HOOK3: variants seen among roughly 807,000 people sequenced by gnomAD.
HOOK3 encodes hook microtubule tethering protein 3, also known as protein Hook homolog 3.
HOOK3 carries 24 observed loss-of-function variants against 116.3 expected under a neutral mutation model. The observed-to-expected ratio is 0.21, with a 90% CI of 0.15 to 0.29. The LOEUF is 0.29. Among genes scored for constraint, HOOK3 ranks in the 10% least tolerant of loss-of-function variants. HOOK3 has a pLI of 1.00. For synonymous variants in HOOK3, 275 were observed against 283.0 expected (o/e 0.97, Z 0.28); for missense variants, 632 against 830.2 (o/e 0.76, Z 2.93).
chr8:42,900,842 A>G (rs1332330017), intron 1 of HOOK3, among the ~76,000 whole-genome samples: 1 of 152,116 alleles, frequency 6.6e-6, no homozygotes. Flanking sequence ...GTTGATCTGC[A>G]TCATCTGGAG....
At chr8:42,947,948 A>G (rs1264144833) in intron 5 of HOOK3, among the ~76,000 whole-genome samples, 2 of 152,156 alleles carry the variant, frequency 1.3e-5, no homozygotes, top group African/African-American at 4.8e-5. Flanking sequence ...AGAAGTGAGG[A>G]GCATCTGCTA....
rs1311537144 is a variant in HOOK3, at chr8:43,022,682, T to C, written c.*4184T>C. On this transcript the variant is annotated 3_prime_UTR_variant, in exon 22 of 22. Transcript: ENST00000307602. ...AACTTTGAAAAACTCCGTCATATCTTTTACCATTTGTCTATTTGATAGTAA... is the reference window on the plus strand; with the variant it reads ...AACTTTGAAAAACTCCGTCATATCTCTTACCATTTGTCTATTTGATAGTAA... 5.5e-6 allele frequency: 1 copy of C among 181,890 alleles called. No homozygotes were observed. The highest frequency in any genetic ancestry group is 9.1e-5 in the East Asian group (1 of 11,036). 11.3% of individuals were successfully genotyped at this position (181,890 alleles called of 1,614,324 possible).
At chr8:42,907,921 A>G (rs1807345654) in intron 2 of HOOK3, among the ~76,000 whole-genome samples, 1 of 151,858 alleles carries the variant, frequency 6.6e-6, no homozygotes, top group Non-Finnish European at 1.5e-5. Context: ...ACAAAAAGCC[A>G]CAAAGACTCC....
At chr8:42,985,579 T>C (rs898841410) in intron 14 of HOOK3, among the ~76,000 whole-genome samples, 1 of 152,164 alleles carries the variant, frequency 6.6e-6, no homozygotes, top group Admixed American at 6.6e-5. Flanking sequence ...TTCATTTGTC[T>C]TCTTTTCCGT....
chr8:42,945,378 C>G (rs941113436), intron 5 of HOOK3, among the ~76,000 whole-genome samples: 4 of 152,102 alleles, frequency 2.6e-5, no homozygotes, highest in African/African-American at 9.7e-5. Context: ...GGCATGATCT[C>G]AGCTCACTGC....
At chr8:42,970,346 A>G (rs560524566) in intron 11 of HOOK3, among the ~76,000 whole-genome samples, 2 of 152,292 alleles carry the variant, frequency 1.3e-5, no homozygotes, top group African/African-American at 2.4e-5. Flanking sequence ...AGCAATTTTG[A>G]TAGGTGGTAG....
In HOOK3 at chr8:43,024,764, T is replaced by C. The variant is rs1809901720; in HGVS notation, c.*6266T>C. On this transcript the variant is annotated 3_prime_UTR_variant, in exon 22 of 22. Coordinates refer to ENST00000307602, the MANE Select transcript of HOOK3 (RefSeq NM_032410.4). ...TGGTCTAAAGTTTTGCAGCAAATGC[T>C]GTTCAGTTCCCAGAAGCCTAAAAAA... 1 of 198,306 alleles carries C rather than the reference T, an allele frequency of 5.0e-6. No individual in the cohort carries two copies. Among genetic ancestry groups the C allele is most frequent in the East Asian group, 7.8e-5 (1 of 12,872 alleles). The allele number at this position is 198,306 out of a possible 1,614,324, so 12.3% of individuals were successfully genotyped here. A position where few individuals can be genotyped will look rare whatever the true frequency, so the allele number is the denominator to read the frequency against.
chr8:42,899,128 GT>G (rs1194477370), intron 1 of HOOK3, among the ~76,000 whole-genome samples: 1 of 152,190 alleles, frequency 6.6e-6, no homozygotes, highest in Non-Finnish European at 1.5e-5. Flanking sequence ...AATATGGTAG[GT>G]AGTAATTGCA....
intron 2 of HOOK3, among the ~76,000 whole-genome samples, chr8:42,918,511 G>A (rs1389708091): frequency 6.6e-6 from 1 of 151,872 alleles, no homozygotes; most frequent in Non-Finnish European, 1.5e-5. Context: ...AAAAGTGGAG[G>A]GAAGGTCAAC....
intron 17 of HOOK3, among the ~76,000 whole-genome samples, chr8:43,005,222 T>A (rs1002899912): frequency 2.2e-4 from 29 of 133,178 alleles, no homozygotes; most frequent in Admixed American, 4.4e-4. Context: ...TAATTTTTTT[T>A]TTTTTTTTTT....
rs1405960150 is a variant in HOOK3, at chr8:42,927,651, A to T, written c.216+2022A>T. On this transcript the variant is annotated intron_variant, in intron 3 of 21. Transcript: ENST00000307602. Reference sequence around the variant, plus strand: ...AGACAGGGTCTCACTCTCACCCAGGATAGAGTATAGTGGCACAGTCTCAGC... The same window carrying T: ...AGACAGGGTCTCACTCTCACCCAGGTTAGAGTATAGTGGCACAGTCTCAGC... Among the ~76,000 whole-genome samples the T allele has an allele frequency of 2.0e-5, 3 of 151,576 alleles. No homozygotes were observed. In the East Asian group the frequency reaches 5.9e-4, roughly 30 times the overall value.
intron 4 of HOOK3, among the ~76,000 whole-genome samples, chr8:42,930,879 C>T (rs903081025): frequency 6.6e-5 from 10 of 152,250 alleles, no homozygotes; most frequent in South Asian, 2.1e-4. Flanking sequence ...TCCATCTGTG[C>T]GGCCACCAAC....
chr8:42,997,918 C>A, intron 16 of HOOK3: 3 of 304,326 alleles, frequency 9.9e-6, no homozygotes, highest in Non-Finnish European at 1.3e-5. Context: ...ACTCAGTGTT[C>A]AAAGATGAAG....
At position 42,959,215 on chromosome 8, in the gene HOOK3, CTT is replaced by C. The variant is rs1808492645; in HGVS notation, c.532-14_532-13del. The C allele has an allele frequency of 6.4e-7, 1 of 1,568,178 alleles. No individual in the cohort carries two copies. The highest frequency in any genetic ancestry group is 1.7e-5 in the Admixed American group (1 of 58,972). On this transcript the variant is annotated splice_polypyrimidine_tract_variant and intron_variant, in intron 7 of 21. Coordinates refer to ENST00000307602, the MANE Select transcript of HOOK3 (RefSeq NM_032410.4). ...CCACTTCATATTAAAATGTTTATCT[CTT>C]TGTTTCTAACCAGCTGAAGAAAACT...
At chr8:42,947,402 A>C (rs147652846) in intron 5 of HOOK3, among the ~76,000 whole-genome samples, 2 of 152,292 alleles carry the variant, frequency 1.3e-5, no homozygotes, top group East Asian at 3.9e-4. Context: ...GAGTCAGCTA[A>C]TTGTATTTAC....
intron 16 of HOOK3, 64 bp from the exon 17 acceptor site, chr8:43,002,043 T>TA: frequency 8.9e-7 from 1 of 1,122,204 alleles, no homozygotes; most frequent in Non-Finnish European, 1.3e-6. Context: ...ACTTTTAACT[T>TA]AAAAGAAAAT....
intron 1 of HOOK3, among the ~76,000 whole-genome samples, chr8:42,899,198 G>T (rs889684906): frequency 1.3e-5 from 2 of 152,184 alleles, no homozygotes; most frequent in African/African-American, 2.4e-5. Flanking sequence ...AAGTTTGAAG[G>T]CCTGCTGACA....
At chr8:42,930,654 A>G (rs535490546) in intron 4 of HOOK3, among the ~76,000 whole-genome samples, 4 of 152,270 alleles carry the variant, frequency 2.6e-5, no homozygotes, top group Admixed American at 2.6e-4. Flanking sequence ...ACACAACACC[A>G]TACCCTAGTT....
At chr8:42,932,203 A>T (rs1036871108) in intron 4 of HOOK3, among the ~76,000 whole-genome samples, 2 of 152,196 alleles carry the variant, frequency 1.3e-5, no homozygotes, top group Admixed American at 6.5e-5. Flanking sequence ...GATATTTAAG[A>T]TACATATGAA....
Sources: allele counts gnomAD v4.1 joint callset (sites outside exome capture counted in the v4.1 genomes callset), GRCh38; gene constraint gnomAD v4.1.1; transcripts MANE v1.5; gene names NCBI Gene and HGNC (gene_info 2026-07-23, HGNC 2026-07-21).